The following SKAP2 variants were observed in gnomAD, a reference collection of about 807,000 sequenced individuals.
The protein encoded by SKAP2 is src kinase associated phosphoprotein 2, also known as src kinase-associated phosphoprotein 2.
In SKAP2, 28 loss-of-function variants were observed where a neutral mutation model predicts 54.9. The observed-to-expected ratio is 0.51, with a 90% confidence interval of 0.38 to 0.70. The LOEUF is 0.70. Ranked by LOEUF, SKAP2 falls within the 30% of genes least tolerant of loss-of-function variation. The pLI, the probability that SKAP2 is intolerant of heterozygous loss-of-function variation, is 0.00. For missense variants in SKAP2, 356 were observed against 424.1 expected (o/e 0.84, Z 1.41); for synonymous variants, 137 against 134.3 (o/e 1.02, Z -0.14).
At chr7:26,834,257 G>A (rs1362417850) in intron 4 of SKAP2, among the ~76,000 whole-genome samples, 2 of 152,104 alleles carry the variant, frequency 1.3e-5, no homozygotes, top group African/African-American at 4.8e-5. Flanking sequence ...ATCTAAAATT[G>A]ACAACCTAAC....
chr7:26,843,887 A>G (rs1411871459), intron 4 of SKAP2, 143 bp downstream of exon 4: 1 of 537,388 alleles, frequency 1.9e-6, no homozygotes, highest in Admixed American at 2.9e-5. Flanking sequence ...CACTAGAGAG[A>G]GCTCTTCTGT....
At chr7:26,795,224 G>C (rs1783749993) in intron 4 of SKAP2, among the ~76,000 whole-genome samples, 1 of 152,122 alleles carries the variant, frequency 6.6e-6, no homozygotes, top group Admixed American at 6.5e-5. Context: ...CTTATCACTT[G>C]CAATAGGTAA....
intron 4 of SKAP2, among the ~76,000 whole-genome samples, chr7:26,820,586 T>C (rs1205580314): frequency 6.6e-6 from 1 of 152,180 alleles, no homozygotes; most frequent in Non-Finnish European, 1.5e-5. Context: ...GGAAGCTAAA[T>C]ACGATTCACC....
At chr7:26,693,043 C>T (rs62447703) in intron 9 of SKAP2, among the ~76,000 whole-genome samples, 2 of 152,096 alleles carry the variant, frequency 1.3e-5, no homozygotes, top group Non-Finnish European at 2.9e-5. Flanking sequence ...TAAGAAGAGA[C>T]TGTGGGGGCT....
intron 4 of SKAP2, among the ~76,000 whole-genome samples, chr7:26,804,670 C>T (rs930902075): frequency 6.1e-5 from 9 of 147,834 alleles, no homozygotes; most frequent in Admixed American, 3.4e-4. Flanking sequence ...ACCCGGGAGG[C>T]GGAGGTTGCA....
At position 26,668,644 on chromosome 7, in the gene SKAP2, A is replaced by G. The variant is rs1786161915; in HGVS notation, c.*1022T>C. The G allele has an allele frequency of 6.7e-6, 1 of 150,240 alleles. No homozygotes were observed. Among genetic ancestry groups the G allele is most frequent in the South Asian group, 2.1e-4 (1 of 4,756 alleles). 9.3% of individuals were successfully genotyped at this position (150,240 alleles called of 1,614,324 possible). A position where few individuals can be genotyped will look rare whatever the true frequency, so the allele number is the denominator to read the frequency against. On this transcript the variant is annotated 3_prime_UTR_variant, in exon 13 of 13. Transcript: ENST00000345317. ...TGCTTGGTTATGCCTTTTTACTTTG[A>G]GAATACACTGAGATTCTGTTTTTTT...
intron 3 of SKAP2, among the ~76,000 whole-genome samples, chr7:26,845,005 T>C (rs945091025): frequency 1.3e-5 from 2 of 152,186 alleles, no homozygotes; most frequent in African/African-American, 4.8e-5. Flanking sequence ...CTAGCCCAGT[T>C]ACACATAAGC....
chr7:26,782,649 C>G (rs1252949219), intron 4 of SKAP2, among the ~76,000 whole-genome samples: 1 of 152,038 alleles, frequency 6.6e-6, no homozygotes, highest in Non-Finnish European at 1.5e-5. Flanking sequence ...TATGATCATG[C>G]CATTGCACTC....
intron 4 of SKAP2, among the ~76,000 whole-genome samples, chr7:26,777,281 T>C (rs1783331953): frequency 6.6e-6 from 1 of 152,174 alleles, no homozygotes; most frequent in Non-Finnish European, 1.5e-5. Flanking sequence ...ATAAGCTTTC[T>C]AGATGCTTGA....
chr7:26,832,805 C>CAAGGAGAAT (rs1256592643), intron 4 of SKAP2, among the ~76,000 whole-genome samples: 19 of 152,092 alleles, frequency 1.2e-4, no homozygotes, highest in Middle Eastern at 3.4e-3. Flanking sequence ...AGGAGGATAC[C>CAAGGAGAAT]AAGGAGAATA....
At chr7:26,718,247 G>A (rs1342907280) in intron 9 of SKAP2, among the ~76,000 whole-genome samples, 1 of 151,878 alleles carries the variant, frequency 6.6e-6, no homozygotes, top group Non-Finnish European at 1.5e-5. Flanking sequence ...AATGAAAATA[G>A]GGGAGAGGAA....
chr7:26,821,512 T>C (rs936965295), intron 4 of SKAP2, among the ~76,000 whole-genome samples: 8 of 152,214 alleles, frequency 5.3e-5, no homozygotes, highest in Non-Finnish European at 1.0e-4. Flanking sequence ...ATCTATCTCA[T>C]TCTACTGTCT....
At position 26,680,661 on chromosome 7, in the gene SKAP2, A is replaced by G. The variant is rs574728238; in HGVS notation, c.987+4075T>C. Among the ~76,000 whole-genome samples, 10 of 152,342 alleles carry G rather than the reference A, an allele frequency of 6.6e-5. 1 individual carries two copies. In the East Asian group the frequency reaches 1.9e-3, roughly 29 times the overall value. On this transcript the variant is annotated intron_variant, in intron 11 of 12. Transcript: ENST00000345317. ...CTACTGAAGCTTTTAATTTTAACACATAAAAAAACAGCAGCAACCCTATGT... is the reference window on the plus strand; with the variant it reads ...CTACTGAAGCTTTTAATTTTAACACGTAAAAAAACAGCAGCAACCCTATGT...
intron 4 of SKAP2, among the ~76,000 whole-genome samples, chr7:26,823,555 C>G (rs12540045): frequency 0.21 from 32,241 of 151,926 alleles, 3,507 homozygotes; most frequent in Non-Finnish European, 0.24. Context: ...TAACCCAGAT[C>G]AAGGCCCTAA....
chr7:26,795,932 G>C (rs1783768207), intron 4 of SKAP2, among the ~76,000 whole-genome samples: 1 of 152,098 alleles, frequency 6.6e-6, no homozygotes, highest in Non-Finnish European at 1.5e-5. Context: ...CTTATCCATG[G>C]ATTTTTTCAA....
intron 4 of SKAP2, among the ~76,000 whole-genome samples, chr7:26,754,687 C>T (rs1031070579): frequency 3.3e-5 from 5 of 152,176 alleles, no homozygotes; most frequent in Admixed American, 3.3e-4. Context: ...AAAACGATTG[C>T]TAACAACACA....
intron 4 of SKAP2, among the ~76,000 whole-genome samples, chr7:26,741,412 G>A (rs989380355): frequency 6.6e-6 from 1 of 151,904 alleles, no homozygotes; most frequent in Non-Finnish European, 1.5e-5. Flanking sequence ...CCAGCCAGTG[G>A]AGGAGGAGGG....
chr7:26,700,278 C>T (rs1786993112), intron 9 of SKAP2, among the ~76,000 whole-genome samples: 1 of 152,152 alleles, frequency 6.6e-6, no homozygotes, highest in Non-Finnish European at 1.5e-5. Flanking sequence ...TATATGTCCA[C>T]CAATTCCTGG....
intron 4 of SKAP2, among the ~76,000 whole-genome samples, chr7:26,797,771 A>T (rs1783813794): frequency 6.6e-6 from 1 of 152,072 alleles, no homozygotes; most frequent in African/African-American, 2.4e-5. Context: ...ACTCAAAGAA[A>T]TTCAAGATAA....
Sources: gnomAD v4.1 joint callset for allele counts (sites outside exome capture counted in the v4.1 genomes callset) on GRCh38, gnomAD v4.1.1 for gene constraint, MANE v1.5 for transcripts, NCBI Gene and HGNC (gene_info 2026-07-23, HGNC 2026-07-21) for gene names.